Variants in ATP13A5 observed in about 807,000 individuals in gnomAD.
ATP13A5 encodes probable cation-transporting ATPase 13A5.
In ATP13A5, 149 loss-of-function variants were observed where a neutral mutation model predicts 150.2. That is an observed-to-expected ratio of 0.99 (90% CI 0.87 to 1.14). The LOEUF is 1.14. ATP13A5 is among the 50% of genes most tolerant of loss of function. ATP13A5 has a pLI of 0.00. For missense variants in ATP13A5, 1,383 were observed against 1,449.3 expected, an observed-to-expected ratio of 0.95 and a Z score of 0.74; for synonymous variants, 497 against 522.2, an observed-to-expected ratio of 0.95 and a Z score of 0.66.
At chr3:193,317,252 G>T (rs1560129624) in intron 17 of ATP13A5, among the ~76,000 whole-genome samples, 1 of 152,076 alleles carries the variant, frequency 6.6e-6, no homozygotes, top group East Asian at 1.9e-4. Context: ...GATTGCCTAG[G>T]CAAAATGACA....
At chr3:193,378,339 C>T (rs1041771927) in intron 1 of ATP13A5, among the ~76,000 whole-genome samples, 17 of 152,168 alleles carry the variant, frequency 1.1e-4, no homozygotes, top group Non-Finnish European at 1.9e-4. Flanking sequence ...CATCACATAG[C>T]AATCCAGATA....
intron 19 of ATP13A5, 54 bp from the exon 20 acceptor site, chr3:193,311,995 T>C: frequency 6.3e-7 from 1 of 1,585,066 alleles, no homozygotes; most frequent in Non-Finnish European, 8.6e-7. Flanking sequence ...TGTCTCTGCT[T>C]TCCTATGCGT....
intron 18 of ATP13A5, 133 bp from the exon 19 acceptor site, chr3:193,314,326 T>C: frequency 1.0e-6 from 1 of 981,090 alleles, no homozygotes; most frequent in South Asian, 1.6e-5. Flanking sequence ...TTTATCTTCC[T>C]CTCTGCTGTA....
At chr3:193,313,179 C>G (rs1028454275) in intron 19 of ATP13A5, 1 of 152,380 alleles carries the variant, frequency 6.6e-6, no homozygotes, top group South Asian at 2.1e-4. Context: ...GAGCTGTCAT[C>G]TTTCACAGCC....
At chr3:193,322,999 T>C (rs1489571095) in intron 14 of ATP13A5, among the ~76,000 whole-genome samples, 3 of 152,322 alleles carry the variant, frequency 2.0e-5, no homozygotes, top group East Asian at 3.9e-4. Flanking sequence ...ACTAGCCTAA[T>C]TGAGTTAACT....
At chr3:193,301,424 C>T (rs1718391882) in intron 23 of ATP13A5, 117 bp from the exon 24 acceptor site, 1 of 686,196 alleles carries the variant, frequency 1.5e-6, no homozygotes, top group Non-Finnish European at 2.5e-6. Context: ...TTCACTTAAT[C>T]ATGAATTCAT....
intron 8 of ATP13A5, 76 bp downstream of exon 8, chr3:193,344,926 CT>C: frequency 7.5e-7 from 1 of 1,331,266 alleles, no homozygotes; most frequent in Middle Eastern, 1.8e-4. Flanking sequence ...TTCTCCTTGA[CT>C]AATAATTAAG....
intron 12 of ATP13A5, among the ~76,000 whole-genome samples, chr3:193,328,841 C>T (rs1234949420): frequency 6.6e-6 from 1 of 152,170 alleles, no homozygotes; most frequent in Non-Finnish European, 1.5e-5. Context: ...GATGAAAATT[C>T]AATTAATGGC....
intron 5 of ATP13A5, among the ~76,000 whole-genome samples, chr3:193,361,412 G>A (rs977541539): frequency 6.6e-6 from 1 of 152,146 alleles, no homozygotes; most frequent in African/African-American, 2.4e-5. Flanking sequence ...CTAAAAATGG[G>A]TATCTTCTAA....
intron 1 of ATP13A5, among the ~76,000 whole-genome samples, chr3:193,370,263 A>G (rs1296936574): frequency 2.6e-5 from 4 of 152,226 alleles, no homozygotes; most frequent in Admixed American, 2.6e-4. Flanking sequence ...GGTTATTGCC[A>G]TAAATCGCAA....
At chr3:193,302,661 A>G (rs888564276) in intron 23 of ATP13A5, among the ~76,000 whole-genome samples, 2 of 152,224 alleles carry the variant, frequency 1.3e-5, no homozygotes, top group Non-Finnish European at 2.9e-5. Context: ...AATGCTTGAT[A>G]CAAAAATCAC....
At chr3:193,333,139 T>TCACA (rs10571991) in intron 11 of ATP13A5, among the ~76,000 whole-genome samples, 1 of 148,822 alleles carries the variant, frequency 6.7e-6, no homozygotes, top group East Asian at 2.0e-4. Flanking sequence ...TCTCTCTCTC[T>TCACA]CACACACACA....
Position 193,351,130 on chromosome 3 carries a change from G to C in ATP13A5, c.678C>G (p.Tyr226Ter), listed in dbSNP as rs750321224. The change falls in exon 7 of 30, where the codon TAC (tyrosine) becomes TAG (stop). Residue 226 changes from tyrosine to a stop codon, truncating the protein, a stop_gained. Transcript: ENST00000342358. LOFTEE classifies it high-confidence loss of function. ...TLWLSQGYIE[Y>*]SVAIIILTVI... ...CAGTCAAAATGATGATGGCCACAGA[G>C]TATTCTATGTAACCTTGAGACAGCC... 2.0e-5 allele frequency: 32 copies of C among 1,613,658 alleles called. No homozygotes were observed. Among genetic ancestry groups the C allele is most frequent in the Non-Finnish European group, 2.5e-5 (30 of 1,179,758 alleles).
At chr3:193,327,419 C>T (rs1485492324) in intron 12 of ATP13A5, among the ~76,000 whole-genome samples, 2 of 152,148 alleles carry the variant, frequency 1.3e-5, no homozygotes, top group African/African-American at 2.4e-5. Context: ...CCTGCTATCT[C>T]GCTGAAGCAG....
chr3:193,285,785 G>A (rs1278492890), intron 26 of ATP13A5, among the ~76,000 whole-genome samples: 3 of 152,160 alleles, frequency 2.0e-5, no homozygotes, highest in Non-Finnish European at 2.9e-5. Context: ...TATAACATCC[G>A]TCCTTCAAAC....
At chr3:193,321,967 G>A (rs1447911423) in intron 15 of ATP13A5, 130 bp from the exon 16 acceptor site, 9 of 1,082,918 alleles carry the variant, frequency 8.3e-6, no homozygotes, top group Middle Eastern at 2.8e-4. Flanking sequence ...TCACAACATT[G>A]ATTTTGTGTG....
chr3:193,375,348 C>T (rs911363963), intron 1 of ATP13A5, among the ~76,000 whole-genome samples: 12 of 152,166 alleles, frequency 7.9e-5, no homozygotes, highest in Admixed American at 3.3e-4. Flanking sequence ...AATCCCATTC[C>T]ATTAAGTATG....
At chr3:193,361,980 A>C (rs1055207830) in intron 5 of ATP13A5, among the ~76,000 whole-genome samples, 3 of 152,210 alleles carry the variant, frequency 2.0e-5, no homozygotes, top group African/African-American at 7.2e-5. Flanking sequence ...CTAACCGAGC[A>C]AGCAAAATCC....
intron 12 of ATP13A5, among the ~76,000 whole-genome samples, chr3:193,328,063 T>C (rs1719531380): frequency 6.6e-6 from 1 of 152,236 alleles, no homozygotes; most frequent in Non-Finnish European, 1.5e-5. Context: ...GTGTTTACAA[T>C]GCTTTCCATT....
Sources: allele counts gnomAD v4.1 joint callset (sites outside exome capture counted in the v4.1 genomes callset), GRCh38; gene constraint gnomAD v4.1.1; transcripts MANE v1.5; gene names NCBI Gene and HGNC (gene_info 2026-07-23, HGNC 2026-07-21).